Variants in CCDC13 observed in about 807,000 individuals in gnomAD.
CCDC13 encodes the protein coiled-coil domain containing 13, also known as coiled-coil domain-containing protein 13.
In CCDC13, 70 loss-of-function variants were observed where a neutral mutation model predicts 87.3. That is an observed-to-expected ratio of 0.80 (90% CI 0.66 to 0.98). The LOEUF (loss-of-function observed/expected upper bound fraction) is 0.98, where lower values mean the gene tolerates loss of function less well. CCDC13 is among the 50% of genes least tolerant of loss of function. CCDC13 has a pLI of 0.00. For synonymous variants in CCDC13, 317 were observed against 360.3 expected, an observed-to-expected ratio of 0.88 and a Z score of 1.36; for missense variants, 842 against 892.0, an observed-to-expected ratio of 0.94 and a Z score of 0.71.
intron 1 of CCDC13, among the ~76,000 whole-genome samples, chr3:42,766,078 A>C (rs1699926742): frequency 6.6e-6 from 1 of 152,170 alleles, no homozygotes; most frequent in Non-Finnish European, 1.5e-5. Context: ...AATTGCTGCC[A>C]AATGGAAGGG....
chr3:42,754,034 A>G (rs1268663102), intron 3 of CCDC13, among the ~76,000 whole-genome samples: 2 of 152,170 alleles, frequency 1.3e-5, no homozygotes, highest in African/African-American at 2.4e-5. Context: ...CAGCTCCCCT[A>G]TCTGTGCAAT....
At chr3:42,705,085 T>TGA (rs1559631223), downstream of CCDC13, 4 of 152,392 alleles carry the variant, frequency 2.6e-5, no homozygotes, top group African/African-American at 9.6e-5. Context: ...GTGTATTGTG[T>TGA]GTGCACATGT....
At chr3:42,771,976 A>C (rs1287803971) in intron 1 of CCDC13, among the ~76,000 whole-genome samples, 1 of 152,080 alleles carries the variant, frequency 6.6e-6, no homozygotes, top group Non-Finnish European at 1.5e-5. Context: ...ATTTTCTTTT[A>C]AAAGTAAAGG....
chr3:42,748,676 A>G (rs1223971723), intron 5 of CCDC13, among the ~76,000 whole-genome samples: 17 of 152,196 alleles, frequency 1.1e-4, no homozygotes, highest in African/African-American at 3.9e-4. Context: ...TGGTCCAGAA[A>G]CTCTGGCCTC....
rs1699674082 is a variant in CCDC13, at chr3:42,755,023, C to G, written c.370+2043G>C. On this transcript the variant is annotated intron_variant, in intron 3 of 15. Transcript: ENST00000310232. Reference sequence around the variant, plus strand: ...AGTTGAGCAAAAAGTATAACATTGACTGATGGGATTTTCAATATATATAGA... The same window carrying G: ...AGTTGAGCAAAAAGTATAACATTGAGTGATGGGATTTTCAATATATATAGA... Among the ~76,000 whole-genome samples the G allele has an allele frequency of 2.6e-5, 4 of 152,118 alleles. No individual in the cohort carries two copies. In the South Asian group the frequency reaches 8.3e-4, roughly 32 times the overall value.
At chr3:42,743,935 T>C (rs575076810) in intron 7 of CCDC13, among the ~76,000 whole-genome samples, 34 of 152,302 alleles carry the variant, frequency 2.2e-4, no homozygotes, top group Middle Eastern at 3.4e-3. Flanking sequence ...GGTAACTCTC[T>C]GAATCTCAGT....
intron 1 of CCDC13, among the ~76,000 whole-genome samples, chr3:42,765,599 G>A (rs1427020446): frequency 6.6e-6 from 1 of 152,140 alleles, no homozygotes; most frequent in Non-Finnish European, 1.5e-5. Context: ...AAGCTTCCCA[G>A]GTGAGCCTAA....
chr3:42,736,793 C>A (rs1559647474), intron 9 of CCDC13, among the ~76,000 whole-genome samples: 2 of 152,156 alleles, frequency 1.3e-5, no homozygotes, highest in Non-Finnish European at 2.9e-5. Flanking sequence ...CGCCCCGGGC[C>A]TGCAGGCACA....
At chr3:42,734,509 T>A (rs1264644030) in intron 10 of CCDC13, among the ~76,000 whole-genome samples, 1 of 152,154 alleles carries the variant, frequency 6.6e-6, no homozygotes, top group African/African-American at 2.4e-5. Flanking sequence ...CCCTTCAGCC[T>A]CACAGCACTA....
chr3:42,745,751 A>G, intron 7 of CCDC13, 172 bp downstream of exon 7: 1 of 517,500 alleles, frequency 1.9e-6, no homozygotes. Context: ...ACAAATTAAA[A>G]TCAGGCTGGT....
At chr3:42,767,464 G>C (rs1389027242) in intron 1 of CCDC13, among the ~76,000 whole-genome samples, 1 of 152,204 alleles carries the variant, frequency 6.6e-6, no homozygotes, top group Non-Finnish European at 1.5e-5. Flanking sequence ...GTTATCTCAT[G>C]CACATGAATA....
intron 12 of CCDC13, among the ~76,000 whole-genome samples, chr3:42,731,290 T>C (rs773881011): frequency 5.3e-5 from 8 of 151,478 alleles, no homozygotes; most frequent in Non-Finnish European, 4.4e-5. Flanking sequence ...CTGGGCAGTG[T>C]ACTGAAAACT....
At chr3:42,734,523 C>T in intron 10 of CCDC13, among the ~76,000 whole-genome samples, 1 of 152,190 alleles carries the variant, frequency 6.6e-6, no homozygotes. Flanking sequence ...AGCACTATGT[C>T]ACAGCCAGTC....
chr3:42,719,193 G>A (rs1698500651), intron 13 of CCDC13: 1 of 152,230 alleles, frequency 6.6e-6, no homozygotes, highest in Non-Finnish European at 1.5e-5. Flanking sequence ...GCACGTACAG[G>A]ACTGTGGGAC....
intron 12 of CCDC13, 46 bp from the exon 13 acceptor site, chr3:42,730,635 A>C (rs1175055914): frequency 2.5e-6 from 4 of 1,605,204 alleles, no homozygotes; most frequent in Non-Finnish European, 3.4e-6. Flanking sequence ...TCCGAGGCCT[A>C]GAAATAACAC....
At chr3:42,723,113 T>G (rs148876750) in intron 13 of CCDC13, among the ~76,000 whole-genome samples, 100 of 152,294 alleles carry the variant, frequency 6.6e-4, no homozygotes, top group Non-Finnish European at 1.1e-3. Context: ...TTTACTTTCT[T>G]AATAAACTTG....
chr3:42,746,154 C>T, intron 6 of CCDC13, 127 bp from the exon 7 acceptor site: 1 of 723,050 alleles, frequency 1.4e-6, no homozygotes, highest in Non-Finnish European at 2.4e-6. Context: ...CATCTCAGAG[C>T]ATAGCCCTCA....
intron 1 of CCDC13, among the ~76,000 whole-genome samples, chr3:42,765,452 C>T (rs1699909442): frequency 6.6e-6 from 1 of 152,158 alleles, no homozygotes; most frequent in African/African-American, 2.4e-5. Flanking sequence ...GTTGCCCAGG[C>T]TGGAGTGCAA....
intron 1 of CCDC13, among the ~76,000 whole-genome samples, chr3:42,769,285 A>G (rs1700002847): frequency 6.6e-6 from 1 of 152,254 alleles, no homozygotes; most frequent in African/African-American, 2.4e-5. Context: ...ATGAGATACC[A>G]TTACATACCT....
Sources: gnomAD v4.1 joint callset for allele counts (sites outside exome capture counted in the v4.1 genomes callset) on GRCh38, gnomAD v4.1.1 for gene constraint, MANE v1.5 for transcripts, NCBI Gene and HGNC (gene_info 2026-07-23, HGNC 2026-07-21) for gene names.